Variants in SLC4A5 observed in about 807,000 individuals in gnomAD.
SLC4A5 encodes the protein solute carrier family 4 member 5.
In SLC4A5, 96 loss-of-function variants were observed where a neutral mutation model predicts 120.4. The ratio of observed to expected loss-of-function variants is 0.80; its 90% confidence interval spans 0.68 to 0.94. SLC4A5 has a LOEUF of 0.94. SLC4A5 is among the 40% of genes least tolerant of loss of function. SLC4A5 has a pLI of 0.00. For synonymous variants in SLC4A5, 550 were observed against 571.1 expected, an observed-to-expected ratio of 0.96 and a Z score of 0.53; for missense variants, 1,259 against 1,459.5, an observed-to-expected ratio of 0.86 and a Z score of 2.24.
At chr2:74,239,911 C>T (rs1670383166) in intron 20 of SLC4A5, among the ~76,000 whole-genome samples, 1 of 151,956 alleles carries the variant, frequency 6.6e-6, no homozygotes, top group Admixed American at 6.6e-5. Context: ...TGGGGGATCA[C>T]CTCCCTTGTC....
Position 74,248,343 on chromosome 2 carries a change from G to T in SLC4A5, c.1787+10C>A, listed in dbSNP as rs1472824229. Reference sequence around the variant, plus strand: ...AGAGCAGGCACTGGGGGCCACCAAGGGACACCTACTTGCTGAAGTCGAAGA... The same window carrying T: ...AGAGCAGGCACTGGGGGCCACCAAGTGACACCTACTTGCTGAAGTCGAAGA... On this transcript the variant is annotated intron_variant, in intron 18 of 30. Coordinates refer to ENST00000394019, the Ensembl canonical transcript of SLC4A5. 6.2e-7 allele frequency: 1 copy of T among 1,613,648 alleles called. No individual in the cohort carries two copies. Among genetic ancestry groups the T allele is most frequent in the African/African-American group, 1.3e-5 (1 of 74,996 alleles).
At chr2:74,242,172 G>T (rs2103954077) in intron 19 of SLC4A5, 120 bp from the exon 20 acceptor site, 1 of 817,272 alleles carries the variant, frequency 1.2e-6, no homozygotes, top group East Asian at 3.6e-5. Context: ...CCATTGTGAG[G>T]GCAGCTCCCT....
intron 8 of SLC4A5, among the ~76,000 whole-genome samples, chr2:74,278,801 A>G (rs1671722730): frequency 6.6e-6 from 1 of 152,182 alleles, no homozygotes; most frequent in African/African-American, 2.4e-5. Flanking sequence ...AAGTCAAACA[A>G]CCTTAAAAAT....
Position 74,255,860 on chromosome 2 carries a change from A to G in SLC4A5, c.940T>C (p.Phe314Leu). Reference sequence around the variant, plus strand: ...AACGCGATGAATGGCTGGTCTAGGAAGTCCACCTCGCCCACGAGCACGTTG... The same window carrying G: ...AACGCGATGAATGGCTGGTCTAGGAGGTCCACCTCGCCCACGAGCACGTTG... Residue 314 changes from phenylalanine to leucine, a missense_variant, in exon 13 of 31, where the codon TTC becomes CTC. Physicochemically the swap from Phe to Leu is conservative, Grantham distance 22 (BLOSUM62 0). Transcript: ENST00000394019. The surrounding 1 kb of genome is among the most constrained non-coding windows in gnomAD (Gnocchi z 4.0). 1 of 1,614,200 alleles carries G rather than the reference A, an allele frequency of 6.2e-7. No homozygotes were observed. Among genetic ancestry groups the G allele is most frequent in the Non-Finnish European group, 8.5e-7 (1 of 1,180,030 alleles).
intron 25 of SLC4A5, among the ~76,000 whole-genome samples, chr2:74,230,837 G>C (rs1283533739): frequency 6.6e-6 from 1 of 151,558 alleles, no homozygotes. Context: ...ACGGAGTTTC[G>C]CTCTTGCTGC....
chr2:74,233,333 C>A (rs974498868), intron 23 of SLC4A5, 69 bp downstream of exon 23: 2 of 1,557,656 alleles, frequency 1.3e-6, no homozygotes, highest in Admixed American at 3.4e-5. Context: ...AGCATCATGT[C>A]CTTCCTTCGC....
chr2:74,330,369 TA>T (rs1673325256), intron 4 of SLC4A5, among the ~76,000 whole-genome samples: 1 of 135,214 alleles, frequency 7.4e-6, no homozygotes, highest in Non-Finnish European at 1.6e-5. Flanking sequence ...ATGTGTGGTT[TA>T]GGTGTAGGTG....
chr2:74,290,824 C>T (rs1331935552), intron 7 of SLC4A5: 18 of 937,822 alleles, frequency 1.9e-5, no homozygotes, highest in African/African-American at 3.6e-5. Flanking sequence ...GCCCCTTTAC[C>T]CCCTTCCCCA....
intron 26 of SLC4A5, among the ~76,000 whole-genome samples, 190 bp from the exon 27 acceptor site, chr2:74,227,320 TGAGCCCTGGGTGAGGGGAG>T (rs771530957): frequency 1.3e-5 from 2 of 152,138 alleles, no homozygotes; most frequent in Admixed American, 6.5e-5. Context: ...GAAAGGGTCC[TGAGCCCTGGGTGAGGGGAG>T]GAGCCCTGGA....
At chr2:74,283,091 G>C (rs1671865756) in intron 8 of SLC4A5, among the ~76,000 whole-genome samples, 1 of 152,174 alleles carries the variant, frequency 6.6e-6, no homozygotes, top group African/African-American at 2.4e-5. Flanking sequence ...CCAGACCTAT[G>C]TTCTTCCCTG....
chr2:74,308,262 C>T (rs533689756), intron 6 of SLC4A5, among the ~76,000 whole-genome samples: 6 of 152,270 alleles, frequency 3.9e-5, no homozygotes, highest in Non-Finnish European at 5.9e-5. Context: ...ATCGCTGGTT[C>T]GGACGACAAG....
intron 25 of SLC4A5, 61 bp from the exon 26 acceptor site, chr2:74,227,939 T>G: frequency 7.5e-7 from 1 of 1,332,402 alleles, no homozygotes; most frequent in Non-Finnish European, 1.0e-6. Context: ...GCCACCCTGT[T>G]CTGGATGACA....
intron 4 of SLC4A5, among the ~76,000 whole-genome samples, chr2:74,329,587 TCAAA>T (rs139635951): frequency 0.12 from 18,266 of 150,864 alleles, 1,510 homozygotes; most frequent in East Asian, 0.35. Context: ...AGGCTCCATC[TCAAA>T]CAAACAAACA....
intron 8 of SLC4A5, among the ~76,000 whole-genome samples, chr2:74,282,519 T>C (rs1310898322): frequency 6.6e-6 from 1 of 152,252 alleles, no homozygotes; most frequent in Non-Finnish European, 1.5e-5. Flanking sequence ...CAGGGAAACC[T>C]ACCACTTTGC....
intron 6 of SLC4A5, chr2:74,307,963 G>A (rs1672697589): frequency 1.8e-6 from 1 of 554,982 alleles, no homozygotes. Flanking sequence ...ACAGAGCCCA[G>A]GGACCAGTAG....
Position 74,250,342 on chromosome 2 carries a change from C to T in SLC4A5, c.1653+1G>A. ...CACTCAGGGCACCGGCTCGCACACA[C>T]CTGATAATTGTCGGTGGCATCCCCC... On this transcript the variant is annotated splice_donor_variant, in intron 17 of 30. Transcript: ENST00000394019. LOFTEE classifies it high-confidence loss of function. The T allele has an allele frequency of 2.5e-6, 4 of 1,613,978 alleles. 1 individual carries two copies. The highest frequency in any genetic ancestry group is 2.7e-5 in the African/African-American group (2 of 75,020).
chr2:74,329,952 G>C (rs1673311504), intron 4 of SLC4A5, among the ~76,000 whole-genome samples: 1 of 151,888 alleles, frequency 6.6e-6, no homozygotes, highest in South Asian at 2.1e-4. Context: ...GATGGAGATG[G>C]TGAGGTAGTG....
At position 74,307,084 on chromosome 2, in the gene SLC4A5, A is replaced by AGTCC. The variant is rs1312348849; in HGVS notation, c.80-2408_80-2405dup. On this transcript the variant is annotated intron_variant, in intron 6 of 30. Coordinates refer to ENST00000394019, the Ensembl canonical transcript of SLC4A5. ...AAGCTGACCTTCAGATTTCTCATGG[A>AGTCC]GTCCAGGTCAATCTCCAAGGACTGG... 6.4e-5 allele frequency: 36 copies of AGTCC among 562,138 alleles called. No individual in the cohort carries two copies. In the East Asian group the frequency reaches 1.4e-3, roughly 22 times the overall value. 34.8% of individuals were successfully genotyped at this position (562,138 alleles called of 1,614,324 possible). A position where few individuals can be genotyped will look rare whatever the true frequency, so the allele number is the denominator to read the frequency against.
chr2:74,289,720 T>G (rs1672098452), intron 7 of SLC4A5, among the ~76,000 whole-genome samples: 1 of 152,228 alleles, frequency 6.6e-6, no homozygotes, highest in East Asian at 1.9e-4. Flanking sequence ...AACCAACAAT[T>G]GAGAAAATAA....
Sources: allele counts gnomAD v4.1 joint callset (sites outside exome capture counted in the v4.1 genomes callset), GRCh38; gene constraint gnomAD v4.1.1; non-coding constraint Gnocchi (gnomAD v3.1); transcripts MANE v1.5; gene names NCBI Gene and HGNC (gene_info 2026-07-23, HGNC 2026-07-21).